CFAP299: variants seen among roughly 807,000 people sequenced by gnomAD.
CFAP299 encodes the protein cilia- and flagella-associated protein 299.
A neutral mutation model predicts 27.0 loss-of-function variants in CFAP299; 21 were observed. The ratio of observed to expected loss-of-function variants is 0.78; its 90% CI spans 0.55 to 1.12. The LOEUF (loss-of-function observed/expected upper bound fraction) is 1.12, where lower values mean the gene tolerates loss of function less well. CFAP299 is among the 50% of genes most tolerant of loss of function. The pLI, the probability that CFAP299 is intolerant of heterozygous loss-of-function variation, is 0.00. For missense variants in CFAP299, 310 were observed against 276.6 expected (o/e 1.12, Z -0.86); for synonymous variants, 104 against 98.1 (o/e 1.06, Z -0.36).
At chr4:80,602,324 C>G (rs574165468) in intron 3 of CFAP299, among the ~76,000 whole-genome samples, 29 of 152,242 alleles carry the variant, frequency 1.9e-4, no homozygotes, top group African/African-American at 7.0e-4. Flanking sequence ...GTCAAGAATG[C>G]TTGCAATCAC....
At chr4:80,468,964 A>G (rs1578479993) in intron 2 of CFAP299, among the ~76,000 whole-genome samples, 1 of 152,012 alleles carries the variant, frequency 6.6e-6, no homozygotes, top group Non-Finnish European at 1.5e-5. Flanking sequence ...CTCCTCTTTC[A>G]TTATTCTTTT....
upstream of CFAP299, among the ~76,000 whole-genome samples, chr4:80,332,657 G>T (rs988124629): frequency 1.3e-5 from 2 of 152,144 alleles, no homozygotes; most frequent in Non-Finnish European, 2.9e-5. Context: ...GATGATATAA[G>T]ATTAAGGAGA....
chr4:80,817,661 G>A lies in CFAP299; in HGVS notation c.334-52332G>A, dbSNP rs189036129. 2.5e-3 allele frequency among the ~76,000 whole-genome samples: 383 copies of A among 152,118 alleles called. 1 individual carries two copies. The highest frequency in any genetic ancestry group is 8.7e-3 in the African/African-American group (362 of 41,522). ...ATGATTCACATTTAGGACAAATTTAGCACATAGCATGCAATTATAATTATT... is the reference window on the plus strand; with the variant it reads ...ATGATTCACATTTAGGACAAATTTAACACATAGCATGCAATTATAATTATT... On this transcript the variant is annotated intron_variant, in intron 3 of 5. Coordinates refer to ENST00000358105, the MANE Select transcript of CFAP299 (RefSeq NM_152770.3).
chr4:80,332,552 G>A (rs1364362276), upstream of CFAP299, among the ~76,000 whole-genome samples: 1 of 152,188 alleles, frequency 6.6e-6, no homozygotes, highest in African/African-American at 2.4e-5. Flanking sequence ...ATATGAATGT[G>A]AATAAGCTTG....
intron 3 of CFAP299, among the ~76,000 whole-genome samples, chr4:80,596,042 T>G (rs568062688): frequency 9.2e-5 from 14 of 152,212 alleles, no homozygotes; most frequent in African/African-American, 3.4e-4. Flanking sequence ...AGATCTTATT[T>G]TATATAATTA....
chr4:80,352,830 GAAATT>G (rs767837983), intron 1 of CFAP299, among the ~76,000 whole-genome samples: 8 of 151,280 alleles, frequency 5.3e-5, no homozygotes, highest in Non-Finnish European at 8.8e-5. Context: ...TGTCAAAAAA[GAAATT>G]AAAAGAAAAA....
intron 2 of CFAP299, among the ~76,000 whole-genome samples, chr4:80,427,410 T>C (rs1578430445): frequency 6.6e-6 from 1 of 152,238 alleles, no homozygotes; most frequent in African/African-American, 2.4e-5. Flanking sequence ...TATGCAATTA[T>C]ATAACTAATC....
At chr4:80,401,104 AC>A (rs1276284609) in intron 2 of CFAP299, among the ~76,000 whole-genome samples, 2 of 152,174 alleles carry the variant, frequency 1.3e-5, no homozygotes, top group Non-Finnish European at 2.9e-5. Context: ...TTACTTGGGT[AC>A]TATTAAAGGC....
rs550905198 is a variant in CFAP299, at chr4:80,785,147, T to A, written c.334-84846T>A. Reference sequence around the variant, plus strand: ...AAGGAGCTCTTCCTCTATGTTTTTTTTTTTTTTAGGAGTTTTATGGTTTTA... The same window carrying A: ...AAGGAGCTCTTCCTCTATGTTTTTTATTTTTTTAGGAGTTTTATGGTTTTA... On this transcript the variant is annotated intron_variant, in intron 3 of 5. Coordinates refer to ENST00000358105, the MANE Select transcript of CFAP299 (RefSeq NM_152770.3). Among the ~76,000 whole-genome samples, 11 of 152,062 alleles carry A rather than the reference T, an allele frequency of 7.2e-5. 1 individual carries two copies. The South Asian group carries it at 2.3e-3, about 32-fold the overall frequency.
At chr4:80,890,573 C>T (rs1274504246) in intron 4 of CFAP299, among the ~76,000 whole-genome samples, 2 of 150,098 alleles carry the variant, frequency 1.3e-5, no homozygotes, top group African/African-American at 4.9e-5. Context: ...TGGGTATATA[C>T]CCAGTAATGG....
chr4:80,835,609 T>C (rs1224736527), intron 3 of CFAP299, among the ~76,000 whole-genome samples: 1 of 152,182 alleles, frequency 6.6e-6, no homozygotes, highest in Non-Finnish European at 1.5e-5. Context: ...AAAGTTTTTG[T>C]ACATATAATT....
intron 3 of CFAP299, among the ~76,000 whole-genome samples, chr4:80,775,034 A>G (rs1726445159): frequency 6.6e-6 from 1 of 151,742 alleles, no homozygotes; most frequent in South Asian, 2.1e-4. Flanking sequence ...GTGCACATGT[A>G]CCCTAAAACT....
At chr4:80,811,019 T>G (rs1011577084) in intron 3 of CFAP299, among the ~76,000 whole-genome samples, 1 of 152,134 alleles carries the variant, frequency 6.6e-6, no homozygotes, top group Admixed American at 6.6e-5. Context: ...TTTGTGAGAA[T>G]GAAGACTTGA....
intron 3 of CFAP299, among the ~76,000 whole-genome samples, chr4:80,657,424 C>G (rs1199185492): frequency 6.6e-6 from 1 of 152,026 alleles, no homozygotes. Context: ...AGGAAGGGGT[C>G]CAGTTTCAGT....
chr4:80,485,087 G>C (rs1027617299), intron 2 of CFAP299, among the ~76,000 whole-genome samples: 1 of 152,120 alleles, frequency 6.6e-6, no homozygotes, highest in Non-Finnish European at 1.5e-5. Context: ...ACATCAGTAC[G>C]TGGAGACAGC....
the CFAP299 span, among the ~76,000 whole-genome samples, chr4:80,321,769 C>A: frequency 6.6e-6 from 1 of 152,178 alleles, no homozygotes. Flanking sequence ...CTTCCTGTCT[C>A]CACACCCACC....
intron 5 of CFAP299, among the ~76,000 whole-genome samples, chr4:80,960,595 A>G (rs1738296021): frequency 6.6e-6 from 1 of 151,814 alleles, no homozygotes; most frequent in Admixed American, 6.6e-5. Context: ...ATTATATACT[A>G]CTACAAAACC....
chr4:80,489,825 A>T (rs912686271), intron 2 of CFAP299, among the ~76,000 whole-genome samples: 8 of 152,214 alleles, frequency 5.3e-5, no homozygotes, highest in Admixed American at 5.2e-4. Flanking sequence ...TTGACCATTA[A>T]GATTGTTCAT....
chr4:80,537,527 T>C (rs927880580), intron 2 of CFAP299, among the ~76,000 whole-genome samples: 8 of 152,228 alleles, frequency 5.3e-5, no homozygotes, highest in Admixed American at 5.2e-4. Flanking sequence ...AATCCTATCA[T>C]TTGCAACAAC....
Sources: allele counts gnomAD v4.1 joint callset (sites outside exome capture counted in the v4.1 genomes callset), GRCh38; gene constraint gnomAD v4.1.1; transcripts MANE v1.5; gene names NCBI Gene and HGNC (gene_info 2026-07-23, HGNC 2026-07-21).